TBC1D2B: variants seen among roughly 807,000 people sequenced by gnomAD.
The protein encoded by TBC1D2B is TBC1 domain family, member 2B.
Under a neutral mutation model 100.8 loss-of-function variants are expected in TBC1D2B, and 64 were observed. That is an observed-to-expected ratio of 0.64 (90% CI 0.52 to 0.78). The LOEUF is 0.78. Among genes scored for constraint, TBC1D2B ranks in the 30% least tolerant of loss-of-function variants. TBC1D2B has a pLI of 0.00. For synonymous variants in TBC1D2B, 480 were observed against 479.7 expected, an observed-to-expected ratio of 1.00 and a Z score of -0.01; for missense variants, 1,052 against 1,218.4, an observed-to-expected ratio of 0.86 and a Z score of 2.03.
At chr15:78,073,494 T>C (rs1245067973) in intron 1 of TBC1D2B, among the ~76,000 whole-genome samples, 1 of 152,190 alleles carries the variant, frequency 6.6e-6, no homozygotes, top group Non-Finnish European at 1.5e-5. Flanking sequence ...TTAAAATCCT[T>C]AGAAATCAGG....
intron 2 of TBC1D2B, among the ~76,000 whole-genome samples, chr15:78,046,150 G>T (rs531955790): frequency 6.7e-4 from 102 of 152,094 alleles, no homozygotes; most frequent in African/African-American, 2.4e-3. Flanking sequence ...CAGGCTGGTC[G>T]CGAACTCCTG....
intron 1 of TBC1D2B, among the ~76,000 whole-genome samples, chr15:78,065,081 T>C (rs898619066): frequency 6.6e-6 from 1 of 152,206 alleles, no homozygotes; most frequent in Admixed American, 6.5e-5. Flanking sequence ...TGGGCAGTCA[T>C]TCCCTGGGAA....
In TBC1D2B at chr15:78,044,914, C is replaced by T. The variant is rs1345363682; in HGVS notation, c.669G>A (p.Trp223Ter). The T allele has an allele frequency of 1.2e-6, 2 of 1,611,444 alleles. No homozygotes were observed. Among genetic ancestry groups the T allele is most frequent in the East Asian group, 2.2e-5 (1 of 44,820 alleles). Residue 223 changes from tryptophan to a stop codon, truncating the protein, a stop_gained, in exon 3 of 13, where the codon TGG becomes TGA. Coordinates refer to ENST00000300584, the MANE Select transcript of TBC1D2B (RefSeq NM_144572.2). LOFTEE classifies it high-confidence loss of function. ...NSINFYSLKQWGNELKNSMSS... is the reference protein window; with the variant it reads ...NSINFYSLKQ The stretch of plus-strand genomic sequence containing the variant: ...TAAAGACTCACTTGAGCTCATTGCC[C>T]CACTGTTTCAAAGAGTAAAAATTAA...
At position 77,998,352 on chromosome 15, in the gene TBC1D2B, C is replaced by T. The variant is rs1212312439; in HGVS notation, c.2700G>A (p.Lys900=). Residue 900 remains lysine (K), a synonymous_variant, in exon 13 of 13, where the codon AAG becomes AAA. Transcript: ENST00000300584. ...GGTCCCCAAAGGAGATACTGATCAG[C>T]TTCCTGGCAGGACGCAGGGGAGAGA... ...YFTRTILDAR[K]LISISFGDLN... 2.5e-6 allele frequency: 4 copies of T among 1,575,524 alleles called. No individual in the cohort carries two copies. Among genetic ancestry groups the T allele is most frequent in the Non-Finnish European group, 2.6e-6 (3 of 1,161,106 alleles).
intron 6 of TBC1D2B, among the ~76,000 whole-genome samples, chr15:78,021,191 T>A (rs182988205): frequency 6.6e-6 from 1 of 152,164 alleles, no homozygotes; most frequent in Admixed American, 6.5e-5. Flanking sequence ...AAATTCCAAA[T>A]GGCAGAAATC....
intron 3 of TBC1D2B, among the ~76,000 whole-genome samples, chr15:78,038,621 C>A (rs936866081): frequency 8.5e-5 from 13 of 152,186 alleles, no homozygotes; most frequent in African/African-American, 3.1e-4. Context: ...AGAATTGGGT[C>A]CCTGCAACAG....
chr15:78,051,824 C>A (rs147877690), intron 2 of TBC1D2B, among the ~76,000 whole-genome samples: 1 of 152,114 alleles, frequency 6.6e-6, no homozygotes, highest in Non-Finnish European at 1.5e-5. Flanking sequence ...TTATCTCTGA[C>A]GATAAAACAA....
intron 6 of TBC1D2B, among the ~76,000 whole-genome samples, chr15:78,022,146 C>T (rs2072531941): frequency 6.6e-6 from 1 of 152,182 alleles, no homozygotes; most frequent in African/African-American, 2.4e-5. Context: ...ATCACTTGAG[C>T]TCAGGAGTTC....
intron 1 of TBC1D2B, among the ~76,000 whole-genome samples, chr15:78,068,843 T>C (rs2073702228): frequency 6.6e-6 from 1 of 152,258 alleles, no homozygotes; most frequent in Non-Finnish European, 1.5e-5. Context: ...GCATTCACTC[T>C]GTGAAAGCAA....
At chr15:78,005,421 C>A (rs1196659926) in intron 10 of TBC1D2B, among the ~76,000 whole-genome samples, 1 of 152,152 alleles carries the variant, frequency 6.6e-6, no homozygotes, top group Non-Finnish European at 1.5e-5. Flanking sequence ...TGGCAGGAGG[C>A]AGTTTGACAG....
At chr15:78,008,047 C>T (rs1341357564) in intron 10 of TBC1D2B, among the ~76,000 whole-genome samples, 1 of 152,246 alleles carries the variant, frequency 6.6e-6, no homozygotes, top group Non-Finnish European at 1.5e-5. Flanking sequence ...CGAGACAGGG[C>T]AGGCACACAC....
intron 1 of TBC1D2B, among the ~76,000 whole-genome samples, chr15:78,063,883 C>T (rs1410882150): frequency 6.6e-6 from 1 of 152,032 alleles, no homozygotes; most frequent in Non-Finnish European, 1.5e-5. Flanking sequence ...TTCATCTACC[C>T]CTGGGCCTCT....
intron 3 of TBC1D2B, chr15:78,034,492 A>T (rs2072897862): frequency 1.0e-6 from 1 of 985,276 alleles, no homozygotes; most frequent in African/African-American, 1.7e-5. Flanking sequence ...CCTAGCTGTC[A>T]AACTGTGCTC....
chr15:78,076,294 G>A (rs982043706), intron 1 of TBC1D2B, among the ~76,000 whole-genome samples: 2 of 152,150 alleles, frequency 1.3e-5, no homozygotes, highest in Admixed American at 6.5e-5. Flanking sequence ...GGCATAACTG[G>A]CTGAAAAGAC....
chr15:78,042,482 G>C (rs1025519846), intron 3 of TBC1D2B, among the ~76,000 whole-genome samples: 1 of 152,160 alleles, frequency 6.6e-6, no homozygotes, highest in Non-Finnish European at 1.5e-5. Flanking sequence ...ATGAAGGGAG[G>C]CTCTCAGTGG....
chr15:78,016,213 G>A (rs559820816), intron 8 of TBC1D2B, among the ~76,000 whole-genome samples: 1 of 152,170 alleles, frequency 6.6e-6, no homozygotes, highest in South Asian at 2.1e-4. Flanking sequence ...CCTTTGTTTT[G>A]AACCACCTGT....
intron 1 of TBC1D2B, among the ~76,000 whole-genome samples, chr15:78,074,400 T>C (rs2073794989): frequency 6.6e-6 from 1 of 152,216 alleles, no homozygotes; most frequent in Non-Finnish European, 1.5e-5. Flanking sequence ...GGTACTATCT[T>C]ATTCTGTGAC....
intron 4 of TBC1D2B, among the ~76,000 whole-genome samples, chr15:78,026,962 T>C (rs75683065): frequency 2.0e-5 from 3 of 151,144 alleles, no homozygotes; most frequent in African/African-American, 7.3e-5. Context: ...GGTATGTACC[T>C]GTGGTCCCAG....
intron 1 of TBC1D2B, among the ~76,000 whole-genome samples, chr15:78,072,066 T>C (rs1345890048): frequency 1.3e-5 from 2 of 152,148 alleles, no homozygotes; most frequent in Non-Finnish European, 2.9e-5. Context: ...ATGAGTTAAT[T>C]ACCTCCCAAA....
Sources: gnomAD v4.1 joint callset for allele counts (sites outside exome capture counted in the v4.1 genomes callset) on GRCh38, gnomAD v4.1.1 for gene constraint, MANE v1.5 for transcripts, NCBI Gene and HGNC (gene_info 2026-07-23, HGNC 2026-07-21) for gene names.